The following GUF1 variants were observed in gnomAD, a reference collection of about 807,000 sequenced individuals.
GUF1 encodes the protein translation factor GUF1, mitochondrial.
Under a neutral mutation model 82.4 loss-of-function variants are expected in GUF1, and 78 were observed. The observed-to-expected ratio is 0.95, with a 90% confidence interval of 0.79 to 1.14. The LOEUF (loss-of-function observed/expected upper bound fraction) is 1.14, where lower values mean the gene tolerates loss of function less well. Ranked by LOEUF, GUF1 falls within the 50% of genes most tolerant of loss-of-function variation. GUF1 has a pLI of 0.00. For missense variants in GUF1, 814 were observed against 798.2 expected (o/e 1.02, Z -0.24); for synonymous variants, 279 against 282.3 (o/e 0.99, Z 0.12).
In GUF1 at chr4:44,680,818, C is replaced by T. The variant is rs766732587; in HGVS notation, c.402C>T (p.Tyr134=). ...TTTACAATTGTGAAGGAAAGCAGTA[C>T]CTTTTAAATCTCATTGATACACCGG... is the stretch of plus-strand genomic sequence containing the variant. ...SLFYNCEGKQ[Y]LLNLIDTPGH... is the part of the protein sequence containing the mutation. Residue 134 remains tyrosine, a synonymous_variant, in exon 3 of 17, where the codon TAC becomes TAT. Coordinates refer to ENST00000281543, the MANE Select transcript of GUF1 (RefSeq NM_021927.3). The T allele has an allele frequency of 4.4e-6, 7 of 1,609,116 alleles. No homozygotes were observed. The highest frequency in any genetic ancestry group is 1.1e-5 in the South Asian group (1 of 90,288).
At position 44,688,030 on chromosome 4, in the gene GUF1, T is replaced by C. The variant is rs754744587; in HGVS notation, c.962T>C (p.Leu321Pro). 2.5e-6 allele frequency: 4 copies of C among 1,612,034 alleles called. No homozygotes were observed. The highest frequency in any genetic ancestry group is 8.5e-7 in the Non-Finnish European group (1 of 1,178,592). Reference protein sequence around the residue: ...HKLYAGQVGYLIAGMKDVTEA... With the variant: ...HKLYAGQVGYPIAGMKDVTEA... ...AGATATGCAGGACAGGTGGGCTATC[T>C]GATTGCTGGGATGAAAGATGTCACT... is the stretch of plus-strand genomic sequence containing the variant. The change falls in exon 9 of 17, where the codon CTG (leucine) becomes CCG (proline). Residue 321 changes from leucine (L) to proline (P), a missense_variant. Coordinates refer to ENST00000281543, the MANE Select transcript of GUF1 (RefSeq NM_021927.3).
Position 44,680,816 on chromosome 4 carries a change from T to G in GUF1, c.400T>G (p.Tyr134Asp), listed in dbSNP as rs760265978. 1 of 1,611,342 alleles carries G rather than the reference T, an allele frequency of 6.2e-7. No individual in the cohort carries two copies. Among genetic ancestry groups the G allele is most frequent in the East Asian group, 2.2e-5 (1 of 44,778 alleles). The change falls in exon 3 of 17, where the codon TAC becomes GAC. Residue 134 changes from tyrosine (Y) to aspartate (D), a missense_variant. Physicochemically the swap from Tyr to Asp is radical, Grantham distance 160. Coordinates refer to ENST00000281543, the MANE Select transcript of GUF1 (RefSeq NM_021927.3). The part of the protein sequence containing the change: ...SLFYNCEGKQ[Y>D]LLNLIDTPGH... ...CTTTTACAATTGTGAAGGAAAGCAG[T>G]ACCTTTTAAATCTCATTGATACACC... is the stretch of plus-strand genomic sequence containing the variant.
chr4:44,692,359 TAAATAAC>T (rs900209250), intron 13 of GUF1, among the ~76,000 whole-genome samples: 4 of 151,950 alleles, frequency 2.6e-5, no homozygotes, highest in African/African-American at 7.2e-5. Flanking sequence ...GAGTTACTAT[TAAATAAC>T]AAATAAGAAA....
At position 44,689,983 on chromosome 4, in the gene GUF1, GTA is replaced by G. The variant is rs1254288147; in HGVS notation, c.1335+10_1335+11del. On this transcript the variant is annotated intron_variant, in intron 11 of 16. Coordinates refer to ENST00000281543, the MANE Select transcript of GUF1 (RefSeq NM_021927.3). ...TCATCAAAATTGATAAAGGTACTTG[GTA>G]TTTAGTACTGGTATTTAGTACTGTT... is the stretch of plus-strand genomic sequence containing the variant. 1 of 1,563,090 alleles carries G rather than the reference GTA, an allele frequency of 6.4e-7. No individual in the cohort carries two copies. Among genetic ancestry groups the G allele is most frequent in the East Asian group, 2.3e-5 (1 of 44,056 alleles).
chr4:44,691,011 A>G (rs1715405686), intron 12 of GUF1, 151 bp downstream of exon 12: 9 of 417,432 alleles, frequency 2.2e-5, no homozygotes, highest in Admixed American at 4.4e-5. Context: ...ATACACATAG[A>G]TATGTATACT....
At chr4:44,680,396 G>C in intron 1 of GUF1, 45 bp from the exon 2 acceptor site, 5 of 831,266 alleles carry the variant, frequency 6.0e-6, no homozygotes, top group Non-Finnish European at 9.8e-6. Context: ...TTGTTTGATA[G>C]TATGCCAAAT....
In GUF1 at chr4:44,685,830, T is replaced by C. The variant is rs1577768054; in HGVS notation, c.670-129T>C. 5.1e-6 allele frequency: 3 copies of C among 591,908 alleles called. No homozygotes were observed. The East Asian group carries it at 8.7e-5, about 17-fold the overall frequency. The allele number at this position is 591,908 out of a possible 1,614,324, so 36.7% of individuals were successfully genotyped here. On this transcript the variant is annotated intron_variant, in intron 6 of 16. Coordinates refer to ENST00000281543, the MANE Select transcript of GUF1 (RefSeq NM_021927.3). ...TACTGTTTGCTTTGTTCTTTTCCTT[T>C]TGGTGTATTTCTCAAATTGATAACT...
Position 44,686,753 on chromosome 4 carries a change from T to C in GUF1, c.938+40T>C, listed in dbSNP as rs536837380. 32 of 1,327,926 alleles carry C rather than the reference T, an allele frequency of 2.4e-5. No homozygotes were observed. The South Asian group carries it at 3.4e-4, about 14-fold the overall frequency. The allele number at this position is 1,327,926 out of a possible 1,614,324, so 82.3% of individuals were successfully genotyped here. On this transcript the variant is annotated intron_variant, in intron 8 of 16. Transcript: ENST00000281543. ...TTAGTAAAATTAAAATGCATTTGTA[T>C]GTGGTTCTATTTCTGCATTTTTCTC...
intron 8 of GUF1, among the ~76,000 whole-genome samples, chr4:44,687,050 A>G (rs369490240): frequency 6.6e-6 from 1 of 151,964 alleles, no homozygotes. Context: ...CTTCATAACT[A>G]GATTTTCCAA....
In GUF1 at chr4:44,685,896, A is replaced by G. The variant is rs549262144; in HGVS notation, c.670-63A>G. On this transcript the variant is annotated intron_variant, in intron 6 of 16. Transcript: ENST00000281543. Reference sequence around the variant, plus strand: ...TCCTTCTGATCATAAGTCACAGGTCATCAAGATAGAAAAGTATAGTCTTAA... The same window carrying G: ...TCCTTCTGATCATAAGTCACAGGTCGTCAAGATAGAAAAGTATAGTCTTAA... 9 of 1,123,030 alleles carry G rather than the reference A, an allele frequency of 8.0e-6. No homozygotes were observed. The African/African-American group carries it at 1.4e-4, about 17-fold the overall frequency. 69.6% of individuals were successfully genotyped at this position (1,123,030 alleles called of 1,614,324 possible). A position where few individuals can be genotyped will look rare whatever the true frequency, so the allele number is the denominator to read the frequency against.
In GUF1 at chr4:44,681,130, T is replaced by C; in HGVS notation, c.434T>C (p.Val145Ala). Reference sequence around the variant, plus strand: ...AATATTTTTGTTTCTCAGGGCCATGTTGATTTTAGTTATGAAGTATCCAGG... The same window carrying C: ...AATATTTTTGTTTCTCAGGGCCATGCTGATTTTAGTTATGAAGTATCCAGG... ...LLNLIDTPGH[V>A]DFSYEVSRSL... Residue 145 changes from valine to alanine, a missense_variant, in exon 4 of 17, where the codon GTT (valine) becomes GCT (alanine). By Grantham distance (64) the Val-to-Ala change is moderately conservative. Transcript: ENST00000281543. The C allele has an allele frequency of 6.2e-7, 1 of 1,612,916 alleles. No homozygotes were observed. Among genetic ancestry groups the C allele is most frequent in the Admixed American group, 1.7e-5 (1 of 60,008 alleles).
chr4:44,690,174 A>G lies in GUF1; in HGVS notation c.1335+199A>G, dbSNP rs571710133. The stretch of plus-strand genomic sequence containing the variant: ...ATGATGAAGAACTTTTTTGAAAACT[A>G]ATTTATGCAATATTTTTCTTAACCT... On this transcript the variant is annotated intron_variant, in intron 11 of 16. Coordinates refer to ENST00000281543, the MANE Select transcript of GUF1 (RefSeq NM_021927.3). Among the ~76,000 whole-genome samples the G allele has an allele frequency of 2.6e-5, 4 of 151,966 alleles. No homozygotes were observed. The South Asian group carries it at 8.3e-4, about 31-fold the overall frequency.
At chr4:44,694,797 G>T (rs1291495091) in intron 14 of GUF1, among the ~76,000 whole-genome samples, 3 of 150,878 alleles carry the variant, frequency 2.0e-5, no homozygotes, top group African/African-American at 7.3e-5. Context: ...TTGGGAACAA[G>T]TTTTTTTGTT....
In GUF1 at chr4:44,697,429, C is replaced by T. The variant is rs140830655; in HGVS notation, c.1857C>T (p.Asn619=). ...ACAGTGTGAAAGCCTATAGGAAAAA[C>T]GTTTTGGCAAAATGTGTATGTATCT... ...ARETVKAYRK[N]VLAKCYGGDI... The change falls in exon 16 of 17, where the codon AAC becomes AAT. Residue 619 remains asparagine, a synonymous_variant. Coordinates refer to ENST00000281543, the MANE Select transcript of GUF1 (RefSeq NM_021927.3). 8.5e-5 allele frequency: 133 copies of T among 1,561,114 alleles called. No individual in the cohort carries two copies. Among genetic ancestry groups the T allele is most frequent in the Middle Eastern group, 3.4e-4 (2 of 5,946 alleles).
At chr4:44,681,711 C>T (rs949131772) in intron 4 of GUF1, among the ~76,000 whole-genome samples, 8 of 152,068 alleles carry the variant, frequency 5.3e-5, no homozygotes, top group African/African-American at 1.9e-4. Flanking sequence ...ACTTTTGTTA[C>T]ATGTTTCTCA....
chr4:44,697,182 T>C (rs1392156835), intron 15 of GUF1, among the ~76,000 whole-genome samples: 3 of 152,196 alleles, frequency 2.0e-5, no homozygotes, highest in Non-Finnish European at 4.4e-5. Flanking sequence ...TTTTTCTTAA[T>C]GTGTGTTGAT....
chr4:44,694,066 G>C (rs1331349723), intron 13 of GUF1: 1 of 175,126 alleles, frequency 5.7e-6, no homozygotes, highest in Non-Finnish European at 1.2e-5. Context: ...ATCTGAAAAT[G>C]ATCCATTAAT....
intron 3 of GUF1, 128 bp downstream of exon 3, chr4:44,680,970 C>A: frequency 9.2e-7 from 1 of 1,090,018 alleles, no homozygotes; most frequent in South Asian, 1.5e-5. Context: ...TCTCAGTGTT[C>A]TTATGTTAGT....
At chr4:44,692,667 A>G (rs185517116) in intron 13 of GUF1, among the ~76,000 whole-genome samples, 1 of 152,046 alleles carries the variant, frequency 6.6e-6, no homozygotes, top group East Asian at 1.9e-4. Flanking sequence ...TTGTCAGTGA[A>G]GAGAGTTAGC....
Sources: allele counts gnomAD v4.1 joint callset (sites outside exome capture counted in the v4.1 genomes callset), GRCh38; gene constraint gnomAD v4.1.1; transcripts MANE v1.5; gene names NCBI Gene and HGNC (gene_info 2026-07-23, HGNC 2026-07-21).